The following RNF17 variants were observed in gnomAD, a reference collection of about 807,000 sequenced individuals.
The protein encoded by RNF17 is spermatogenesis associated 23.
Under a neutral mutation model 200.5 loss-of-function variants are expected in RNF17, and 31 were observed. The ratio of observed to expected loss-of-function variants is 0.15; its 90% CI spans 0.12 to 0.21. RNF17 has a LOEUF of 0.21. RNF17 is among the 10% of genes least tolerant of loss of function. The probability of loss-of-function intolerance (pLI) is 1.00; values close to 1 mark genes in which losing one functional copy is unlikely to be tolerated. For synonymous variants in RNF17, 606 were observed against 637.8 expected (o/e 0.95, Z 0.75); for missense variants, 1,628 against 1,905.1 (o/e 0.85, Z 2.71).
chr13:24,751,616 G>T, the RNF17 span: 1 of 152,084 alleles, frequency 6.6e-6, no homozygotes. Context: ...GGTAGTAAAA[G>T]TCAAGTCTTC....
At chr13:24,753,688 T>C in the RNF17 span, among the ~76,000 whole-genome samples, 3 of 152,234 alleles carry the variant, frequency 2.0e-5, no homozygotes, top group African/African-American at 7.2e-5. Flanking sequence ...ACATGGAATT[T>C]CTTAGGCCAC....
At chr13:24,855,183 A>G (rs1892336598) in intron 25 of RNF17, among the ~76,000 whole-genome samples, 1 of 151,928 alleles carries the variant, frequency 6.6e-6, no homozygotes, top group African/African-American at 2.4e-5. Context: ...TAGCATTTCC[A>G]TGAATGATTA....
intron 7 of RNF17, among the ~76,000 whole-genome samples, 162 bp downstream of exon 7, chr13:24,788,321 A>G (rs1044984799): frequency 2.0e-5 from 3 of 152,168 alleles, no homozygotes; most frequent in African/African-American, 7.2e-5. Flanking sequence ...TCTAAGTTAT[A>G]ATAAAATAAT....
At chr13:24,843,129 C>T (rs954499895) in intron 19 of RNF17, among the ~76,000 whole-genome samples, 3 of 152,198 alleles carry the variant, frequency 2.0e-5, no homozygotes, top group Non-Finnish European at 4.4e-5. Context: ...ACATGCTTTC[C>T]TGCTCACTCC....
intron 14 of RNF17, 75 bp downstream of exon 14, chr13:24,802,646 A>G: frequency 8.4e-7 from 1 of 1,192,848 alleles, no homozygotes; most frequent in Non-Finnish European, 1.2e-6. Context: ...TTGCCTTTAA[A>G]AACCATGTCT....
chr13:24,830,710 T>C, intron 17 of RNF17, 111 bp downstream of exon 17: 1 of 751,388 alleles, frequency 1.3e-6, no homozygotes, highest in South Asian at 1.6e-5. Flanking sequence ...GTCTAGTTGC[T>C]GATACAGGGA....
chr13:24,881,792 GTC>G (rs1167830313), downstream of RNF17, among the ~76,000 whole-genome samples: 1 of 139,988 alleles, frequency 7.1e-6, no homozygotes, highest in East Asian at 2.2e-4. Flanking sequence ...GTGAAACCCC[GTC>G]TCTATATATC....
intron 1 of RNF17, among the ~76,000 whole-genome samples, chr13:24,764,888 G>GGGT (rs899352115): frequency 7.5e-4 from 100 of 134,170 alleles, no homozygotes; most frequent in African/African-American, 2.6e-3. Context: ...CACCTTGTGG[G>GGGT]GTGTGTGTGT....
At position 24,764,238 on chromosome 13, in the gene RNF17, G is replaced by C. The variant is rs1363205287; in HGVS notation, c.35G>C (p.Arg12Thr). The C allele has an allele frequency of 6.2e-7, 1 of 1,607,644 alleles. No individual in the cohort carries two copies. The highest frequency in any genetic ancestry group is 1.7e-5 in the Admixed American group (1 of 59,908). ...AAEASKTGPS[R>T]SSYQRMGRKS... ...GAGGCTTCGAAGACTGGGCCTTCTA[G>C]GTCTTCCTACCAGCGAATGGGGAGG... The change falls in exon 1 of 36, where the codon AGG becomes ACG. Residue 12 changes from arginine to threonine, a missense_variant. Arg to Thr is a moderately conservative substitution (Grantham distance 71). Coordinates refer to ENST00000255324, the MANE Select transcript of RNF17 (RefSeq NM_031277.3).
At chr13:24,801,717 C>A (rs1885266367) in intron 13 of RNF17, among the ~76,000 whole-genome samples, 1 of 152,136 alleles carries the variant, frequency 6.6e-6, no homozygotes, top group Non-Finnish European at 1.5e-5. Flanking sequence ...GCTAGATTAA[C>A]TGATGATTGT....
the RNF17 span, chr13:24,750,576 T>C: frequency 6.6e-6 from 1 of 152,260 alleles, no homozygotes; most frequent in Admixed American, 6.5e-5. Context: ...GTAAACATCT[T>C]TTTCATCTAC....
intron 6 of RNF17, among the ~76,000 whole-genome samples, chr13:24,786,326 T>G (rs1218709625): frequency 6.6e-6 from 1 of 152,192 alleles, no homozygotes; most frequent in East Asian, 1.9e-4. Context: ...CCCTTTATTT[T>G]TTCGATGTCA....
the RNF17 span, among the ~76,000 whole-genome samples, chr13:24,749,307 C>CT: frequency 9.2e-4 from 99 of 108,010 alleles, 3 homozygotes; most frequent in Non-Finnish European, 1.2e-3. Flanking sequence ...TTCTTTCTTT[C>CT]TTTTTTTTTT....
chr13:24,833,626 C>T (rs1010950582), intron 18 of RNF17, among the ~76,000 whole-genome samples: 1 of 151,426 alleles, frequency 6.6e-6, no homozygotes, highest in African/African-American at 2.4e-5. Context: ...TTCTTTCTCA[C>T]ATAATTATTT....
At chr13:24,835,238 C>G (rs1487782272) in intron 18 of RNF17, among the ~76,000 whole-genome samples, 2 of 151,752 alleles carry the variant, frequency 1.3e-5, no homozygotes, top group Non-Finnish European at 2.9e-5. Flanking sequence ...CTTCCCTACC[C>G]CCCCTGGTAG....
intron 24 of RNF17, among the ~76,000 whole-genome samples, chr13:24,852,826 A>G (rs915432275): frequency 2.0e-5 from 3 of 152,234 alleles, no homozygotes; most frequent in Non-Finnish European, 4.4e-5. Flanking sequence ...TAAAACTACT[A>G]GCTATCTTAA....
chr13:24,816,974 C>G (rs373753107), intron 15 of RNF17, among the ~76,000 whole-genome samples: 122 of 152,172 alleles, frequency 8.0e-4, no homozygotes, highest in South Asian at 2.7e-3. Flanking sequence ...GAGAGAGACC[C>G]GAAGACCAAG....
rs758760618 is a variant in RNF17, at chr13:24,843,948, G to A, written c.2808G>A (p.Leu936=). 6 of 1,481,084 alleles carry A rather than the reference G, an allele frequency of 4.1e-6. No homozygotes were observed. The highest frequency in any genetic ancestry group is 2.6e-5 in the South Asian group (2 of 77,622). 91.7% of individuals were successfully genotyped at this position (1,481,084 alleles called of 1,614,324 possible). A position where few individuals can be genotyped will look rare whatever the true frequency, so the allele number is the denominator to read the frequency against. ...CTGAGAAGATTTATGTTCAGTGGTT[G>A]TTAACTGAAAACTTACTTAATAGGT... ...ISPEKIYVQW[L]LTENLLNSLE... Residue 936 remains leucine, a synonymous_variant, in exon 20 of 36, where the codon TTG becomes TTA. Coordinates refer to ENST00000255324, the MANE Select transcript of RNF17 (RefSeq NM_031277.3).
downstream of RNF17, chr13:24,883,502 A>ATT (rs151060650): frequency 0.21 from 142,021 of 661,580 alleles, 16,181 homozygotes; most frequent in Middle Eastern, 0.28. Context: ...TCCCTATACA[A>ATT]TTGTAACTTT....
Sources: allele counts gnomAD v4.1 joint callset (sites outside exome capture counted in the v4.1 genomes callset), GRCh38; gene constraint gnomAD v4.1.1; transcripts MANE v1.5; gene names NCBI Gene and HGNC (gene_info 2026-07-23, HGNC 2026-07-21).